EIF3H: variants seen among roughly 807,000 people sequenced by gnomAD.
The protein encoded by EIF3H is eIF-3-gamma.
Under a neutral mutation model 44.2 loss-of-function variants are expected in EIF3H, and 26 were observed. The ratio of observed to expected loss-of-function variants is 0.59; its 90% CI spans 0.43 to 0.82. EIF3H has a LOEUF of 0.82. EIF3H is among the 40% of genes least tolerant of loss of function. The pLI is 0.00. For missense variants in EIF3H, 359 were observed against 432.8 expected, an observed-to-expected ratio of 0.83 and a Z score of 1.51; for synonymous variants, 166 against 151.9, an observed-to-expected ratio of 1.09 and a Z score of -0.68.
chr8:116,702,904 T>C (rs941060372), intron 2 of EIF3H, among the ~76,000 whole-genome samples: 2 of 152,042 alleles, frequency 1.3e-5, no homozygotes, highest in African/African-American at 4.8e-5. Flanking sequence ...GTGGCAGTGA[T>C]CTTGGAATAA....
chr8:116,711,465 G>T (rs766690655), intron 2 of EIF3H, among the ~76,000 whole-genome samples: 2 of 152,082 alleles, frequency 1.3e-5, no homozygotes, highest in Non-Finnish European at 2.9e-5. Context: ...ATATTAAGAA[G>T]AAACAATCCA....
rs1364583689 is a variant in EIF3H, at chr8:116,752,706, A to AG, written c.132+2959_132+2960insC. Among the ~76,000 whole-genome samples, 50 of 137,426 alleles carry AG rather than the reference A, an allele frequency of 3.6e-4. 1 individual carries two copies. Among genetic ancestry groups the AG allele is most frequent in the African/African-American group, 1.2e-3 (44 of 37,328 alleles). The allele number at this position is 137,426 out of a possible 152,430, so 90.2% of individuals were successfully genotyped here. On this transcript the variant is annotated intron_variant, in intron 1 of 7. Coordinates refer to ENST00000521861, the MANE Select transcript of EIF3H (RefSeq NM_003756.3). ...AAAGAAAGAAAGAAAGAAAGAAAGA[A>AG]AGAAAGAAAGAAAGAAAGAAAGAAA...
chr8:116,662,171 A>T (rs938160592), intron 2 of EIF3H, among the ~76,000 whole-genome samples: 3 of 152,240 alleles, frequency 2.0e-5, no homozygotes, highest in African/African-American at 4.8e-5. Context: ...TTTCACTAAT[A>T]AACAATGTAT....
intron 1 of EIF3H, among the ~76,000 whole-genome samples, chr8:116,761,582 C>T (rs530009650): frequency 6.6e-6 from 1 of 152,250 alleles, no homozygotes; most frequent in South Asian, 2.1e-4. Context: ...ATTTACCTAA[C>T]ATGGTAGTAT....
intron 2 of EIF3H, among the ~76,000 whole-genome samples, chr8:116,661,074 A>T (rs1813579269): frequency 6.6e-6 from 1 of 152,150 alleles, no homozygotes; most frequent in South Asian, 2.1e-4. Context: ...CAACCACATA[A>T]ATTTGGCAAG....
Position 116,728,918 on chromosome 8 carries a change from T to C in EIF3H, c.133-2746A>G, listed in dbSNP as rs551757237. On this transcript the variant is annotated intron_variant, in intron 1 of 7. Transcript: ENST00000521861. ...TCTCTGCACAGAGTCTGCCACATAG[T>C]AAGTGCTCAATAAATGACCAATATT... Among the ~76,000 whole-genome samples the C allele has an allele frequency of 2.6e-5, 4 of 152,340 alleles. No homozygotes were observed. In the East Asian group the frequency reaches 7.7e-4, roughly 29 times the overall value.
At chr8:116,762,271 T>A (rs1231184326) in intron 1 of EIF3H, among the ~76,000 whole-genome samples, 1 of 152,236 alleles carries the variant, frequency 6.6e-6, no homozygotes, top group African/African-American at 2.4e-5. Context: ...ATGATAACTT[T>A]TTTTTAAAAC....
rs1287742005 is a variant in EIF3H, at chr8:116,681,554, TAC to T, written c.290-22576_290-22575del. On this transcript the variant is annotated intron_variant, in intron 2 of 7. Transcript: ENST00000521861. ...GGTGGCACATGCCTGTAATCCTAGC[TAC>T]TAAGGAGGCTGAGGCAGGAGAATCG... Among the ~76,000 whole-genome samples, 4 of 148,654 alleles carry T rather than the reference TAC, an allele frequency of 2.7e-5. 1 individual carries two copies. Among genetic ancestry groups the T allele is most frequent in the African/African-American group, 1.0e-4 (4 of 39,966 alleles).
intron 1 of EIF3H, among the ~76,000 whole-genome samples, chr8:116,740,334 A>T (rs1314495990): frequency 2.6e-5 from 4 of 152,328 alleles, no homozygotes; most frequent in Non-Finnish European, 5.9e-5. Flanking sequence ...GCCCAGTGGC[A>T]TAAGACTGTG....
chr8:116,699,009 C>T (rs781690194), intron 2 of EIF3H, among the ~76,000 whole-genome samples: 2 of 152,018 alleles, frequency 1.3e-5, no homozygotes, highest in South Asian at 2.1e-4. Flanking sequence ...ATTAGCTGGG[C>T]GTAGTGGCAT....
chr8:116,677,839 T>A (rs903871524), intron 2 of EIF3H, among the ~76,000 whole-genome samples: 3 of 152,216 alleles, frequency 2.0e-5, no homozygotes, highest in Non-Finnish European at 4.4e-5. Context: ...AGAATAAGGT[T>A]ACAATTCTAA....
rs59899280 is a variant in EIF3H, at chr8:116,674,067, C to CAAAAAA, written c.290-15093_290-15088dup. Among the ~76,000 whole-genome samples the CAAAAAA allele has an allele frequency of 3.2e-4, 16 of 49,666 alleles. 2 individuals carry two copies. Among genetic ancestry groups the CAAAAAA allele is most frequent in the African/African-American group, 1.3e-3 (14 of 10,930 alleles). 32.6% of individuals were successfully genotyped at this position (49,666 alleles called of 152,430 possible). A position where few individuals can be genotyped will look rare whatever the true frequency, so the allele number is the denominator to read the frequency against. On this transcript the variant is annotated intron_variant, in intron 2 of 7. Coordinates refer to ENST00000521861, the MANE Select transcript of EIF3H (RefSeq NM_003756.3). ...CCTGGGGAACACAGCAAGACTGTCT[C>CAAAAAA]AAAAAAAAAAAAAAAAAAAAAAAAA...
intron 1 of EIF3H, among the ~76,000 whole-genome samples, chr8:116,738,120 T>G (rs1054025533): frequency 6.6e-6 from 1 of 151,610 alleles, no homozygotes; most frequent in African/African-American, 2.4e-5. Context: ...GAATGGAGCA[T>G]GTGTTTGTTT....
chr8:116,725,414 A>G (rs1168015191), intron 2 of EIF3H, among the ~76,000 whole-genome samples: 2 of 152,216 alleles, frequency 1.3e-5, no homozygotes, highest in Admixed American at 6.5e-5. Flanking sequence ...GCTTTTTACA[A>G]TAAAAAGTTA....
At chr8:116,675,682 C>G (rs549249143) in intron 2 of EIF3H, among the ~76,000 whole-genome samples, 1 of 152,272 alleles carries the variant, frequency 6.6e-6, no homozygotes, top group South Asian at 2.1e-4. Context: ...TAATCTACTG[C>G]TGATCCACTT....
rs1813257434 is a variant in EIF3H at position 116,643,745 on chromosome 8, T to C, written c.*1261A>G. The C allele has an allele frequency of 6.6e-6, 1 of 152,122 alleles. No homozygotes were observed. The highest frequency in any genetic ancestry group is 1.5e-5 in the Non-Finnish European group (1 of 68,010). 9.4% of individuals were successfully genotyped at this position (152,122 alleles called of 1,614,324 possible). The stretch of plus-strand genomic sequence containing the variant: ...CAGTAGTGCCTTCAAAACAATGTTG[T>C]CCAAAAAATGAATTTCTCGACTCTC... On this transcript the variant is annotated 3_prime_UTR_variant, in exon 8 of 8. Coordinates refer to ENST00000521861, the MANE Select transcript of EIF3H (RefSeq NM_003756.3).
At chr8:116,754,225 C>T (rs1227504259) in intron 1 of EIF3H, among the ~76,000 whole-genome samples, 6 of 151,964 alleles carry the variant, frequency 3.9e-5, no homozygotes, top group African/African-American at 9.7e-5. Context: ...GCGATTCTCC[C>T]GCCTCAGCCT....
chr8:116,648,800 A>C lies in EIF3H; in HGVS notation c.828+6T>G. The C allele has an allele frequency of 6.3e-7, 1 of 1,598,126 alleles. No homozygotes were observed. Among genetic ancestry groups the C allele is most frequent in the Non-Finnish European group, 8.5e-7 (1 of 1,173,072 alleles). ...GCTGTTTGTTGAATTTTTCCACAAT[A>C]CCAACCTGATGTTTCTGCTGCTGTT... On this transcript the variant is annotated splice_donor_region_variant and intron_variant, in intron 6 of 7. Transcript: ENST00000521861.
intron 2 of EIF3H, among the ~76,000 whole-genome samples, chr8:116,662,025 A>G (rs1412690567): frequency 6.6e-6 from 1 of 152,204 alleles, no homozygotes; most frequent in Non-Finnish European, 1.5e-5. Context: ...ATATGACATA[A>G]AAGATTTTGC....
Sources: allele counts gnomAD v4.1 joint callset (sites outside exome capture counted in the v4.1 genomes callset), GRCh38; gene constraint gnomAD v4.1.1; transcripts MANE v1.5; gene names NCBI Gene and HGNC (gene_info 2026-07-23, HGNC 2026-07-21).